SYF2: variants seen among roughly 807,000 people sequenced by gnomAD.
SYF2 encodes SYF2 pre-mRNA splicing factor.
SYF2 carries 21 observed loss-of-function variants against 32.7 expected under a neutral mutation model. That is an observed-to-expected ratio of 0.64 (90% CI 0.45 to 0.92). The LOEUF (loss-of-function observed/expected upper bound fraction) is 0.92. SYF2 is among the 40% of genes least tolerant of loss of function. The pLI, the probability that SYF2 is intolerant of heterozygous loss-of-function variation, is 0.00. For synonymous variants in SYF2, 114 were observed against 103.9 expected, an observed-to-expected ratio of 1.10 and a Z score of -0.59; for missense variants, 278 against 296.5, an observed-to-expected ratio of 0.94 and a Z score of 0.46.
At chr1:25,225,173 A>G (rs1379928336) in intron 5 of SYF2, 73 bp from the exon 6 acceptor site, 5 of 963,458 alleles carry the variant, frequency 5.2e-6, no homozygotes, top group Admixed American at 1.8e-5. Context: ...CTAAAGTACC[A>G]TACATGATAA....
intron 1 of SYF2, 66 bp downstream of exon 1, chr1:25,232,378 T>C: frequency 1.2e-6 from 2 of 1,612,860 alleles, no homozygotes; most frequent in Admixed American, 1.7e-5. Context: ...CGCCTCCACC[T>C]CTCTCCAGGC....
At chr1:25,226,988 A>C (rs934861737) in intron 5 of SYF2, among the ~76,000 whole-genome samples, 4 of 152,076 alleles carry the variant, frequency 2.6e-5, no homozygotes, top group African/African-American at 9.7e-5. Context: ...CTCTTAAAAA[A>C]AAAAAAAGGA....
In SYF2 at chr1:25,223,433, TG is replaced by T; in HGVS notation, c.567-3del. ...CTATATTTGTCTCGTTTTTCAATCCTGGGGAAAGAAGAAAATTTACAAAATT... is the reference window on the plus strand; with the variant it reads ...CTATATTTGTCTCGTTTTTCAATCCTGGGAAAGAAGAAAATTTACAAAATT... On this transcript the variant is annotated splice_region_variant and splice_polypyrimidine_tract_variant and intron_variant, in intron 6 of 6. Transcript: ENST00000236273. The T allele has an allele frequency of 1.3e-6, 2 of 1,597,164 alleles. No homozygotes were observed. The highest frequency in any genetic ancestry group is 2.2e-5 in the East Asian group (1 of 44,726).
At chr1:25,224,786 C>G (rs923116274) in intron 6 of SYF2, among the ~76,000 whole-genome samples, 1 of 152,158 alleles carries the variant, frequency 6.6e-6, no homozygotes, top group Non-Finnish European at 1.5e-5. Flanking sequence ...AATTCAGTTT[C>G]ATCAACATTC....
At position 25,223,939 on chromosome 1, in the gene SYF2, AC is replaced by A. The variant is rs201027251; in HGVS notation, c.567-509del. Reference sequence around the variant, plus strand: ...CCAGGCGCAGTGGCTCATGCCTGTAACCCCAGCACTTTGGGAGGCCAAGGCA... The same window carrying A: ...CCAGGCGCAGTGGCTCATGCCTGTAACCCAGCACTTTGGGAGGCCAAGGCA... On this transcript the variant is annotated intron_variant, in intron 6 of 6. Transcript: ENST00000236273. 7.4e-3 allele frequency among the ~76,000 whole-genome samples: 1,122 copies of A among 152,270 alleles called. 15 individuals are homozygous for A. Among genetic ancestry groups the A allele is most frequent in the African/African-American group, 0.024 (1,015 of 41,562 alleles).
chr1:25,228,079 A>G (rs760826987), intron 4 of SYF2, 39 bp downstream of exon 4: 3 of 1,499,206 alleles, frequency 2.0e-6, no homozygotes, highest in Non-Finnish European at 1.9e-6. Flanking sequence ...GAAATGACTA[A>G]CAGCCCAGTC....
At chr1:25,226,040 C>T (rs1343536832) in intron 5 of SYF2, among the ~76,000 whole-genome samples, 1 of 151,202 alleles carries the variant, frequency 6.6e-6, no homozygotes, top group Non-Finnish European at 1.5e-5. Flanking sequence ...CACCTGTAGT[C>T]CCAGCTACTT....
Position 25,223,418 on chromosome 1 carries a change from C to G in SYF2, c.580G>C (p.Asp194His). 1.9e-6 allele frequency: 3 copies of G among 1,606,228 alleles called. No individual in the cohort carries two copies. The highest frequency in any genetic ancestry group is 1.7e-6 in the Non-Finnish European group (2 of 1,176,982). ...IDLEKQIEKRDKYSRRRPYND... is the reference protein window; with the variant it reads ...IDLEKQIEKRHKYSRRRPYND... ...TAAGGACGTCTCCGGCTATATTTGT[C>G]TCGTTTTTCAATCCTGGGGAAAGAA... is the stretch of plus-strand genomic sequence containing the variant. The change falls in exon 7 of 7, where the codon GAC (aspartate) becomes CAC (histidine). Residue 194 changes from aspartate (D) to histidine (H), a missense_variant. Coordinates refer to ENST00000236273, the MANE Select transcript of SYF2 (RefSeq NM_015484.5).
chr1:25,224,200 A>C (rs1014036383), intron 6 of SYF2, among the ~76,000 whole-genome samples: 3 of 152,192 alleles, frequency 2.0e-5, no homozygotes, highest in Non-Finnish European at 4.4e-5. Context: ...TCTCAAAAAA[A>C]AAAAATTATA....
chr1:25,225,528 A>C (rs984084414), intron 5 of SYF2, among the ~76,000 whole-genome samples: 1 of 147,818 alleles, frequency 6.8e-6, no homozygotes, highest in Admixed American at 6.7e-5. Flanking sequence ...ACTCCGTCTC[A>C]AAAAAAAAAA....
chr1:25,223,334 C>T lies in SYF2; in HGVS notation c.664G>A (p.Ala222Thr), dbSNP rs1638445558. The T allele has an allele frequency of 6.2e-7, 1 of 1,613,758 alleles. No individual in the cohort carries two copies. Among genetic ancestry groups the T allele is most frequent in the Admixed American group, 1.7e-5 (1 of 59,976 alleles). The change falls in exon 7 of 7, where the codon GCT (alanine) becomes ACT (threonine). Residue 222 changes from alanine to threonine, a missense_variant. Ala to Thr is a moderately conservative substitution (Grantham distance 58, BLOSUM62 0). Transcript: ENST00000236273. The stretch of plus-strand genomic sequence containing the variant: ...GTGTATTTCCCATAGAATCTTTCAG[C>T]TTTCTTGTTGAATTTGGCATTCCTT... The part of the protein sequence containing the change: ...NERNAKFNKK[A>T]ERFYGKYTAE...
chr1:25,225,204 A>G (rs1314086006), intron 5 of SYF2, 104 bp from the exon 6 acceptor site: 7 of 753,314 alleles, frequency 9.3e-6, no homozygotes, highest in African/African-American at 1.8e-5. Context: ...ACATACATTT[A>G]CTGTGAGATC....
Position 25,232,107 on chromosome 1 carries a change from C to T in SYF2, c.129G>A (p.Met43Ile). 6.2e-7 allele frequency: 1 copy of T among 1,613,720 alleles called. No individual in the cohort carries two copies. Residue 43 changes from methionine to isoleucine, a missense_variant, in exon 2 of 7, where the codon ATG (methionine) becomes ATA (isoleucine). Transcript: ENST00000236273. ...GCCGGCCTCCAAGACTACTCACCCG[C>T]ATCAGGTGCAGCTCCCGGAATTTGC... ...RLRKFRELHL[M>I]RNEARKLNHQ...
rs552646576 is a variant in SYF2, at chr1:25,225,302, C to T, written c.468-202G>A. On this transcript the variant is annotated intron_variant, in intron 5 of 6. Coordinates refer to ENST00000236273, the MANE Select transcript of SYF2 (RefSeq NM_015484.5). The stretch of plus-strand genomic sequence containing the variant: ...CAGCACTTTGGGAGGCCAAGGCAGG[C>T]GGATCGTTTGAGGTCAGGAGTTCAA... Among the ~76,000 whole-genome samples, 206 of 151,876 alleles carry T rather than the reference C, an allele frequency of 1.4e-3. 1 individual carries two copies. Among genetic ancestry groups the T allele is most frequent in the Admixed American group, 3.4e-3 (52 of 15,244 alleles).
intron 2 of SYF2, chr1:25,230,832 TTTTTTTTGA>T (rs1638613602): frequency 6.6e-6 from 1 of 151,946 alleles, no homozygotes; most frequent in Non-Finnish European, 1.5e-5. Context: ...TTTTTTTTTT[TTTTTTTTGA>T]GATGGAGTCT....
Position 25,223,391 on chromosome 1 carries a change from T to C in SYF2, c.607A>G (p.Asn203Asp). 6.2e-7 allele frequency: 1 copy of C among 1,613,490 alleles called. No homozygotes were observed. Among genetic ancestry groups the C allele is most frequent in the Non-Finnish European group, 8.5e-7 (1 of 1,179,862 alleles). Residue 203 changes from asparagine (N) to aspartate (D), a missense_variant, in exon 7 of 7, where the codon AAT (asparagine) becomes GAT (aspartate). By Grantham distance (23) the Asn-to-Asp change is conservative (BLOSUM62 1). Coordinates refer to ENST00000236273, the MANE Select transcript of SYF2 (RefSeq NM_015484.5). The stretch of plus-strand genomic sequence containing the variant: ...ATGTAGTCGATATCTGCATCATCAT[T>C]ATAAGGACGTCTCCGGCTATATTTG... ...RDKYSRRRPY[N>D]DDADIDYINE...
At position 25,227,386 on chromosome 1, in the gene SYF2, T is replaced by TACAC. The variant is rs111662912; in HGVS notation, c.467+52_467+55dup. The TACAC allele has an allele frequency of 8.3e-6, 11 of 1,326,888 alleles. No individual in the cohort carries two copies. The South Asian group carries it at 1.2e-4, about 15-fold the overall frequency. The allele number at this position is 1,326,888 out of a possible 1,614,324, so 82.2% of individuals were successfully genotyped here. A position where few individuals can be genotyped will look rare whatever the true frequency, so the allele number is the denominator to read the frequency against. On this transcript the variant is annotated intron_variant, in intron 5 of 6. Transcript: ENST00000236273. Reference sequence around the variant, plus strand: ...GCATGTTTCTATTTATGTACATGTATACACACACACACACACAAATACATC... The same window carrying TACAC: ...GCATGTTTCTATTTATGTACATGTATACACACACACACACACACACAAATACATC...
chr1:25,223,344 G>A lies in SYF2; in HGVS notation c.654C>T (p.Phe218=), dbSNP rs773131322. ...IDYINERNAK[F]NKKAERFYGK... ...CATAGAATCTTTCAGCTTTCTTGTT[G>A]AATTTGGCATTCCTTTCATTAATGT... The change falls in exon 7 of 7, where the codon TTC becomes TTT. Residue 218 remains phenylalanine, a synonymous_variant. Transcript: ENST00000236273. 1.2e-6 allele frequency: 2 copies of A among 1,613,818 alleles called. No homozygotes were observed. Among genetic ancestry groups the A allele is most frequent in the South Asian group, 2.2e-5 (2 of 91,066 alleles).
In SYF2 at chr1:25,229,053, C is replaced by T. The variant is rs777300161; in HGVS notation, c.203G>A (p.Trp68Ter). 1 of 1,613,738 alleles carries T rather than the reference C, an allele frequency of 6.2e-7. No homozygotes were observed. Among genetic ancestry groups the T allele is most frequent in the South Asian group, 1.1e-5 (1 of 90,978 alleles). The change falls in exon 3 of 7, where the codon TGG becomes TAG. Residue 68 changes from tryptophan (W) to a stop codon, truncating the protein, a stop_gained. Transcript: ENST00000236273. LOFTEE classifies it high-confidence loss of function. ...EDKRLKLPANWEAKKARLEWE... is the reference protein window; with the variant it reads ...EDKRLKLPAN ...CTCCAAACGAGCTTTTTTGGCTTCC[C>T]AATTTGCAGGTAATTTTAGTCTTTT...
Sources: gnomAD v4.1 joint callset for allele counts (sites outside exome capture counted in the v4.1 genomes callset) on GRCh38, gnomAD v4.1.1 for gene constraint, MANE v1.5 for transcripts, NCBI Gene and HGNC (gene_info 2026-07-23, HGNC 2026-07-21) for gene names.